Variants in BRF1 observed in about 807,000 individuals in gnomAD.
BRF1 encodes BRF1 general transcription factor IIIB subunit.
BRF1 carries 59 observed loss-of-function variants against 81.7 expected under a neutral mutation model. The observed-to-expected ratio is 0.72, with a 90% CI of 0.59 to 0.90. The LOEUF (loss-of-function observed/expected upper bound fraction) is 0.90. Among genes scored for constraint, BRF1 ranks in the 40% least tolerant of loss-of-function variants. BRF1 has a pLI of 0.00. For synonymous variants in BRF1, 491 were observed against 395.6 expected (o/e 1.24, Z -2.86); for missense variants, 1,050 against 936.3 (o/e 1.12, Z -1.58).
At chr14:105,289,840 T>C (rs1052480410) in intron 1 of BRF1, among the ~76,000 whole-genome samples, 1 of 151,960 alleles carries the variant, frequency 6.6e-6, no homozygotes, top group Non-Finnish European at 1.5e-5. Flanking sequence ...TTCACCACGT[T>C]GGCCAGGCTG....
chr14:105,244,881 A>T (rs1474322970), intron 5 of BRF1, among the ~76,000 whole-genome samples: 1 of 152,076 alleles, frequency 6.6e-6, no homozygotes, highest in East Asian at 1.9e-4. Context: ...CAGGTATGAT[A>T]GAACAAAGAA....
chr14:105,248,569 T>TCGGACGGGCTCGGG, intron 5 of BRF1: 1 of 542,156 alleles, frequency 1.8e-6, no homozygotes, highest in Non-Finnish European at 2.2e-6. Context: ...GGGTACGGGC[T>TCGGACGGGCTCGGG]CGGGCGGGCG....
At chr14:105,305,321 G>C (rs2058155269), upstream of BRF1, among the ~76,000 whole-genome samples, 1 of 152,138 alleles carries the variant, frequency 6.6e-6, no homozygotes, top group Non-Finnish European at 1.5e-5. Flanking sequence ...AGGATTGCTT[G>C]AGCCCAGAAA....
chr14:105,282,548 C>T (rs1262052763), intron 2 of BRF1, among the ~76,000 whole-genome samples: 1 of 152,130 alleles, frequency 6.6e-6, no homozygotes, highest in Non-Finnish European at 1.5e-5. Context: ...TCAACCAAGG[C>T]GGTATGGGGA....
At chr14:105,258,094 C>T (rs947495144) in intron 3 of BRF1, among the ~76,000 whole-genome samples, 3 of 152,236 alleles carry the variant, frequency 2.0e-5, no homozygotes, top group Non-Finnish European at 2.9e-5. Context: ...CCAGCTAACA[C>T]AAGATGTTAA....
At chr14:105,247,374 C>T in intron 5 of BRF1, 2 of 985,466 alleles carry the variant, frequency 2.0e-6, no homozygotes, top group Non-Finnish European at 1.2e-6. Flanking sequence ...CTCGGGCACC[C>T]CATTCCTGGG....
rs1326591805 is a variant in BRF1 at position 105,226,776 on chromosome 14, A to T, written c.789-16T>A. 3 of 1,613,258 alleles carry T rather than the reference A, an allele frequency of 1.9e-6. No individual in the cohort carries two copies. Among genetic ancestry groups the T allele is most frequent in the Non-Finnish European group, 2.5e-6 (3 of 1,179,962 alleles). Reference sequence around the variant, plus strand: ...TTCCGTGAGCCTAAAATGGAGCCAGACATGGGAAATGGAGCTGGTGGCTCT... The same window carrying T: ...TTCCGTGAGCCTAAAATGGAGCCAGTCATGGGAAATGGAGCTGGTGGCTCT... On this transcript the variant is annotated splice_polypyrimidine_tract_variant and intron_variant, in intron 7 of 17. Coordinates refer to ENST00000547530, the MANE Select transcript of BRF1 (RefSeq NM_001519.4).
Position 105,241,297 on chromosome 14 carries a change from G to T in BRF1, c.662C>A (p.Thr221Lys). 6.2e-7 allele frequency: 1 copy of T among 1,612,574 alleles called. No homozygotes were observed. Among genetic ancestry groups the T allele is most frequent in the Non-Finnish European group, 8.5e-7 (1 of 1,179,912 alleles). The change falls in exon 6 of 18, where the codon ACA becomes AAA. Residue 221 changes from threonine to lysine, a missense_variant. This residue lies in a region of BRF1 where 1,043 missense variants were observed against 915.4 expected (regional missense o/e 1.14). Coordinates refer to ENST00000547530, the MANE Select transcript of BRF1 (RefSeq NM_001519.4). Reference protein sequence around the residue: ...LQRMKRDWMHTGRRPSGLCGA... With the variant: ...LQRMKRDWMHKGRRPSGLCGA... ...GCAGAGGCCCGAGGGGCGCCGGCCT[G>T]TGTGCATCCAGTCCCGCTTCATCCT...
intron 3 of BRF1, among the ~76,000 whole-genome samples, chr14:105,262,282 G>A (rs887122325): frequency 2.0e-5 from 3 of 152,158 alleles, no homozygotes; most frequent in African/African-American, 4.8e-5. Flanking sequence ...CTGCCCTCCC[G>A]AACTTCCCAG....
intron 15 of BRF1, among the ~76,000 whole-genome samples, chr14:105,216,810 G>A (rs1049719762): frequency 6.6e-6 from 1 of 152,192 alleles, no homozygotes; most frequent in Non-Finnish European, 1.5e-5. Flanking sequence ...CACCCAGCCC[G>A]GAGACTCGGT....
chr14:105,302,191 CT>C (rs1301479101), upstream of BRF1, among the ~76,000 whole-genome samples: 3 of 149,102 alleles, frequency 2.0e-5, no homozygotes, highest in Admixed American at 2.0e-4. Context: ...ACCCCACCCT[CT>C]TTTTTTTCTT....
chr14:105,250,100 G>T, intron 5 of BRF1: 1 of 1,612,976 alleles, frequency 6.2e-7, no homozygotes, highest in Non-Finnish European at 8.5e-7. Context: ...GTTTGCCAAC[G>T]GCGCTGCCCA....
intron 1 of BRF1, chr14:105,314,460 G>A (rs1357084515): frequency 6.7e-6 from 1 of 150,042 alleles, no homozygotes; most frequent in Non-Finnish European, 1.5e-5. Context: ...GGCTCCCGGG[G>A]GGCGGGGCGG....
chr14:105,210,447 G>T lies in BRF1; in HGVS notation c.*104C>A, dbSNP rs1889930863. 5.3e-6 allele frequency: 7 copies of T among 1,319,294 alleles called. No individual in the cohort carries two copies. The South Asian group carries it at 8.9e-5, about 17-fold the overall frequency. 81.7% of individuals were successfully genotyped at this position (1,319,294 alleles called of 1,614,324 possible). On this transcript the variant is annotated 3_prime_UTR_variant, in exon 18 of 18. Coordinates refer to ENST00000547530, the MANE Select transcript of BRF1 (RefSeq NM_001519.4). This position sits in a 1 kb window ranked among gnomAD's most constrained non-coding sequence, Gnocchi z 4.7. The stretch of plus-strand genomic sequence containing the variant: ...GGACAGGTGCCACCTGTCACCAGGA[G>T]TCTCGGCGCTGGGGCCTGCCTGCTG...
chr14:105,310,452 C>T (rs1426527523), intron 1 of BRF1, among the ~76,000 whole-genome samples: 6 of 151,012 alleles, frequency 4.0e-5, no homozygotes, highest in Non-Finnish European at 7.4e-5. Context: ...ATGGCATGAA[C>T]CCGGGAGGCA....
chr14:105,221,608 C>T lies in BRF1; in HGVS notation c.1315+40G>A, dbSNP rs587658697. ...AGAGGCACACGCCTGAAAGATCTCC[C>T]GATGACCTCAGCGTCCCCCAGGGCC... is the stretch of plus-strand genomic sequence containing the variant. On this transcript the variant is annotated intron_variant, in intron 11 of 17. Coordinates refer to ENST00000547530, the MANE Select transcript of BRF1 (RefSeq NM_001519.4). The T allele has an allele frequency of 3.9e-5, 62 of 1,584,862 alleles. No individual in the cohort carries two copies. The African/African-American group carries it at 5.6e-4, about 14-fold the overall frequency.
At chr14:105,287,561 C>T (rs958443584) in intron 1 of BRF1, among the ~76,000 whole-genome samples, 5 of 152,106 alleles carry the variant, frequency 3.3e-5, no homozygotes, top group African/African-American at 1.2e-4. Flanking sequence ...TAGGGCCTGT[C>T]GGAGGACACT....
At chr14:105,257,628 G>A (rs937829826) in intron 3 of BRF1, among the ~76,000 whole-genome samples, 8 of 152,174 alleles carry the variant, frequency 5.3e-5, no homozygotes, top group Non-Finnish European at 1.0e-4. Context: ...CAACGGGCAG[G>A]ACCGACTGCA....
intron 10 of BRF1, among the ~76,000 whole-genome samples, chr14:105,223,300 G>T (rs930966573): frequency 7.3e-5 from 11 of 151,564 alleles, no homozygotes; most frequent in Non-Finnish European, 1.3e-4. Flanking sequence ...ACTTGTACAC[G>T]AGTGTTCACG....
Sources: gnomAD v4.1 joint callset for allele counts (sites outside exome capture counted in the v4.1 genomes callset) on GRCh38, gnomAD v4.1.1 for gene constraint, gnomAD v4.1.1 regional missense constraint, Gnocchi (gnomAD v3.1) non-coding constraint, MANE v1.5 for transcripts, NCBI Gene and HGNC (gene_info 2026-07-23, HGNC 2026-07-21) for gene names.